ATR: variants seen among roughly 807,000 people sequenced by gnomAD.
ATR encodes the protein serine/threonine-protein kinase ATR.
A neutral mutation model predicts 305.3 loss-of-function variants in ATR; 142 were observed. The ratio of observed to expected loss-of-function variants is 0.47; its 90% CI spans 0.41 to 0.53. The LOEUF is 0.53. Ranked by LOEUF, ATR falls within the 20% of genes least tolerant of loss-of-function variation. ATR has a pLI of 0.00. For missense variants in ATR, 2,135 were observed against 3,133.1 expected, an observed-to-expected ratio of 0.68 and a Z score of 7.60; for synonymous variants, 1,050 against 1,068.1, an observed-to-expected ratio of 0.98 and a Z score of 0.33.
chr3:142,496,764 C>A (rs1324895071), intron 33 of ATR, among the ~76,000 whole-genome samples: 2 of 151,962 alleles, frequency 1.3e-5, no homozygotes. Flanking sequence ...GAACCTTATT[C>A]TTGATTTTTA....
intron 45 of ATR, among the ~76,000 whole-genome samples, chr3:142,457,261 T>C (rs2070927625): frequency 6.6e-6 from 1 of 151,794 alleles, no homozygotes; most frequent in East Asian, 1.9e-4. Context: ...AGACAGAAAA[T>C]ATTATAAATG....
At chr3:142,491,169 T>C (rs1002525573) in intron 35 of ATR, among the ~76,000 whole-genome samples, 1 of 152,164 alleles carries the variant, frequency 6.6e-6, no homozygotes, top group Non-Finnish European at 1.5e-5. Context: ...CTAGTACCCA[T>C]TAATCTACCT....
chr3:142,461,910 CT>C (rs780309051), intron 42 of ATR, 29 bp downstream of exon 42: 90 of 1,600,368 alleles, frequency 5.6e-5, no homozygotes, highest in Admixed American at 2.7e-4. Flanking sequence ...AGTACCCACA[CT>C]GTATATGTAT....
chr3:142,564,859 A>T (rs2035012545), intron 3 of ATR, among the ~76,000 whole-genome samples: 1 of 151,930 alleles, frequency 6.6e-6, no homozygotes, highest in Non-Finnish European at 1.5e-5. Flanking sequence ...TAAAGCAATT[A>T]GTGTGCCTCA....
chr3:142,554,293 T>A (rs1223134033), intron 10 of ATR, among the ~76,000 whole-genome samples: 1 of 152,116 alleles, frequency 6.6e-6, no homozygotes, highest in Admixed American at 6.6e-5. Flanking sequence ...TGATCACGGC[T>A]CACTGCAGCA....
intron 30 of ATR, among the ~76,000 whole-genome samples, chr3:142,501,568 GC>G (rs1182668902): frequency 6.6e-6 from 1 of 151,840 alleles, no homozygotes. Context: ...AAATCAACAA[GC>G]AAAAAAACAA....
In ATR at chr3:142,503,314, C is replaced by G. The variant is rs973070401; in HGVS notation, c.5288+48G>C. 5 of 1,326,760 alleles carry G rather than the reference C, an allele frequency of 3.8e-6. No individual in the cohort carries two copies. The African/African-American group carries it at 5.8e-5, about 15-fold the overall frequency. 82.2% of individuals were successfully genotyped at this position (1,326,760 alleles called of 1,614,324 possible). ...TTACCCAATTCACTAACTAAAAATT[C>G]TCCATTCAGATGCAATAACAAAAGA... On this transcript the variant is annotated intron_variant, in intron 30 of 46. Coordinates refer to ENST00000350721, the MANE Select transcript of ATR (RefSeq NM_001184.4).
At chr3:142,474,951 AT>A (rs759100200) in intron 36 of ATR, among the ~76,000 whole-genome samples, 19 of 151,600 alleles carry the variant, frequency 1.3e-4, no homozygotes, top group Non-Finnish European at 1.9e-4. Flanking sequence ...AGCCTCTTTT[AT>A]TTTAAAAAAC....
At position 142,550,393 on chromosome 3, in the gene ATR, T is replaced by C. The variant is rs564603408; in HGVS notation, c.2806-91A>G. On this transcript the variant is annotated intron_variant, in intron 13 of 46. Transcript: ENST00000350721. ...AGCCACCATAGAGGGCAGTATCAAA[T>C]AGTATTCTACATTATCTGAATTGGT... The C allele has an allele frequency of 1.1e-5, 15 of 1,345,068 alleles. No homozygotes were observed. The East Asian group carries it at 2.3e-4, about 21-fold the overall frequency. 83.3% of individuals were successfully genotyped at this position (1,345,068 alleles called of 1,614,324 possible).
chr3:142,535,273 G>C (rs2108425873), intron 20 of ATR, 68 bp from the exon 21 acceptor site: 1 of 1,581,970 alleles, frequency 6.3e-7, no homozygotes, highest in Admixed American at 1.7e-5. Flanking sequence ...CCAAAGGCCT[G>C]AATTCTCTAT....
At chr3:142,559,123 G>A in intron 7 of ATR, 128 bp downstream of exon 7, 2 of 1,007,270 alleles carry the variant, frequency 2.0e-6, no homozygotes, top group South Asian at 3.3e-5. Context: ...AAATTTAATA[G>A]AACTGAAATC....
At chr3:142,570,521 C>T (rs1382839908) in intron 1 of ATR, among the ~76,000 whole-genome samples, 2 of 152,034 alleles carry the variant, frequency 1.3e-5, no homozygotes, top group Non-Finnish European at 2.9e-5. Context: ...TGAGTAGCTG[C>T]GATTACAAGC....
chr3:142,557,239 G>A (rs1033865793), intron 8 of ATR, among the ~76,000 whole-genome samples: 3 of 151,882 alleles, frequency 2.0e-5, no homozygotes, highest in Non-Finnish European at 2.9e-5. Context: ...CTAAATGGTG[G>A]CGATGCTACT....
At chr3:142,529,913 A>G (rs947944234) in intron 21 of ATR, among the ~76,000 whole-genome samples, 5 of 152,006 alleles carry the variant, frequency 3.3e-5, no homozygotes, top group Non-Finnish European at 5.9e-5. Context: ...TCCTGGGTCA[A>G]TTTTCTCCAG....
chr3:142,518,369 T>C (rs1026350581), intron 24 of ATR, among the ~76,000 whole-genome samples: 1 of 152,096 alleles, frequency 6.6e-6, no homozygotes, highest in African/African-American at 2.4e-5. Flanking sequence ...ATACAAAAAG[T>C]AGCCAGGCAT....
rs2108465211 is a variant in ATR, at chr3:142,553,867, G to A, written c.2490C>T (p.His830=). 6.2e-7 allele frequency: 1 copy of A among 1,613,518 alleles called. No individual in the cohort carries two copies. Among genetic ancestry groups the A allele is most frequent in the Non-Finnish European group, 8.5e-7 (1 of 1,179,688 alleles). The change falls in exon 11 of 47, where the codon CAC becomes CAT. Residue 830 remains histidine, a synonymous_variant. Coordinates refer to ENST00000350721, the MANE Select transcript of ATR (RefSeq NM_001184.4). ...CTTCAGAGTCCAAGGATTCCAATAT[G>A]TGCTTGATATTTCCACTAAAAGCCA... The part of the protein sequence containing the change: ...VRVAFSGNIK[H]ILESLDSEDG...
intron 36 of ATR, among the ~76,000 whole-genome samples, chr3:142,472,692 C>T (rs541107452): frequency 5.0e-4 from 76 of 151,958 alleles, no homozygotes; most frequent in Non-Finnish European, 9.1e-4. Context: ...GGCTGGAGTG[C>T]AGTGATATGA....
intron 35 of ATR, among the ~76,000 whole-genome samples, chr3:142,486,094 T>C (rs1317102068): frequency 1.3e-5 from 2 of 152,270 alleles, no homozygotes; most frequent in Non-Finnish European, 2.9e-5. Flanking sequence ...TTGCTGTTCC[T>C]GCCTTAAATA....
At chr3:142,509,545 A>AT (rs71629538) in intron 27 of ATR, among the ~76,000 whole-genome samples, 1,328 of 73,878 alleles carry the variant, frequency 0.018, 141 homozygotes, top group Non-Finnish European at 0.019. Flanking sequence ...TCAAATTCTG[A>AT]TTTTTTTTTT....
Sources: allele counts gnomAD v4.1 joint callset (sites outside exome capture counted in the v4.1 genomes callset), GRCh38; gene constraint gnomAD v4.1.1; transcripts MANE v1.5; gene names NCBI Gene and HGNC (gene_info 2026-07-23, HGNC 2026-07-21).